The following TP53AIP1 variants were observed in gnomAD, a reference collection of about 807,000 sequenced individuals.
TP53AIP1 encodes tumor protein p53 regulated apoptosis inducing protein 1.
Under a neutral mutation model 9.5 loss-of-function variants are expected in TP53AIP1, and 14 were observed. That is an observed-to-expected ratio of 1.47 (90% CI 0.97 to 2.30). TP53AIP1 has a LOEUF of 2.30. TP53AIP1 is among the 30% of genes most tolerant of loss of function. The pLI is 0.00. For missense variants in TP53AIP1, 153 were observed against 146.7 expected (o/e 1.04, Z -0.22); for synonymous variants, 73 against 61.2 (o/e 1.19, Z -0.90).
downstream of TP53AIP1, chr11:128,935,356 A>G (rs1944791449): frequency 2.1e-6 from 3 of 1,415,824 alleles, no homozygotes; most frequent in Non-Finnish European, 2.8e-6. Context: ...ATTGGAATGC[A>G]AACTTCACAA....
In TP53AIP1 at chr11:128,937,660, T is replaced by G. The variant is rs1231643368; in HGVS notation, c.141+18A>C. On this transcript the variant is annotated intron_variant, in intron 2 of 3. Coordinates refer to ENST00000531399, the MANE Select transcript of TP53AIP1 (RefSeq NM_022112.3). The surrounding 1 kb of genome is among the most constrained non-coding windows in gnomAD (Gnocchi z 4.8). ...TGGCAGGCAAAAGACCGTCTCGGTT[T>G]TCACTGCAGGGACTTACCCAGCCAG... The G allele has an allele frequency of 2.5e-6, 4 of 1,614,110 alleles. No individual in the cohort carries two copies. In the South Asian group the frequency reaches 4.4e-5, roughly 18 times the overall value.
At position 128,937,804 on chromosome 11, in the gene TP53AIP1, A is replaced by C; in HGVS notation, c.15T>G (p.Ser5=). Residue 5 remains serine (S), a synonymous_variant, in exon 2 of 4, where the codon TCT becomes TCG. Coordinates refer to ENST00000531399, the MANE Select transcript of TP53AIP1 (RefSeq NM_022112.3). This position sits in a 1 kb window ranked among gnomAD's most constrained non-coding sequence, Gnocchi z 4.8. ...CTTGAGCAGATCTGAAGCTCGCCTC[A>C]GAGGAAGATCCCATCCAGGGGAGGC... MGSS[S]EASFRSAQAS... 1 of 1,611,168 alleles carries C rather than the reference A, an allele frequency of 6.2e-7. No homozygotes were observed. The highest frequency in any genetic ancestry group is 8.5e-7 in the Non-Finnish European group (1 of 1,178,724).
At position 128,937,729 on chromosome 11, in the gene TP53AIP1, G is replaced by T. The variant is rs367595853; in HGVS notation, c.90C>A (p.Asn30Lys). ...RRQGLGRGDQ[N>K]LSVMPPNGRA... ...TGCCATTCGGAGGCATCACCGAGAG[G>T]TTCTGGTCTCCCCTGCCCAGGCCCT... is the stretch of plus-strand genomic sequence containing the variant. The change falls in exon 2 of 4, where the codon AAC (asparagine) becomes AAA (lysine). Residue 30 changes from asparagine to lysine, a missense_variant. Transcript: ENST00000531399. This position sits in a 1 kb window ranked among gnomAD's most constrained non-coding sequence, Gnocchi z 4.8. The T allele has an allele frequency of 2.5e-6, 4 of 1,614,176 alleles. No homozygotes were observed. The South Asian group carries it at 3.3e-5, about 13-fold the overall frequency.
In TP53AIP1 at chr11:128,937,125, C is replaced by A. The variant is rs1001739716; in HGVS notation, c.142-476G>T. On this transcript the variant is annotated intron_variant, in intron 2 of 3. Coordinates refer to ENST00000531399, the MANE Select transcript of TP53AIP1 (RefSeq NM_022112.3). This position sits in a 1 kb window ranked among gnomAD's most constrained non-coding sequence, Gnocchi z 4.8. ...TGCCTGTGCTGGGATGAATGCATGG[C>A]CCCTGCATCCTTACCCCCTCCTCAG... is the stretch of plus-strand genomic sequence containing the variant. The A allele has an allele frequency of 2.8e-6, 3 of 1,068,338 alleles. No homozygotes were observed. The highest frequency in any genetic ancestry group is 3.3e-5 in the African/African-American group (2 of 59,976). The allele number at this position is 1,068,338 out of a possible 1,614,324, so 66.2% of individuals were successfully genotyped here. A position where few individuals can be genotyped will look rare whatever the true frequency, so the allele number is the denominator to read the frequency against.
intron 2 of TP53AIP1, chr11:128,936,925 C>G (rs563759300): frequency 8.2e-7 from 1 of 1,213,006 alleles, no homozygotes; most frequent in East Asian, 4.4e-5. Context: ...TTCCTCCCTC[C>G]CATCACCACA....
chr11:128,942,417 G>T (rs1944965633), intron 1 of TP53AIP1, among the ~76,000 whole-genome samples: 1 of 152,232 alleles, frequency 6.6e-6, no homozygotes. Flanking sequence ...CTCAGCGGTC[G>T]GCTAGCTGTG....
At chr11:128,935,777 A>G (rs1944810515) in intron 3 of TP53AIP1, 65 bp from the exon 4 acceptor site, 5 of 1,451,938 alleles carry the variant, frequency 3.4e-6, no homozygotes, top group East Asian at 5.1e-5. Flanking sequence ...TTTACCAAAT[A>G]TCATGTTACA....
At chr11:128,938,495 G>A (rs12786851) in intron 1 of TP53AIP1, among the ~76,000 whole-genome samples, 6 of 152,100 alleles carry the variant, frequency 3.9e-5, no homozygotes, top group Non-Finnish European at 5.9e-5. Flanking sequence ...TGGGTATCAC[G>A]GTCCCTCAAC....
chr11:128,940,883 C>G (rs767130820), intron 1 of TP53AIP1, among the ~76,000 whole-genome samples: 1 of 152,178 alleles, frequency 6.6e-6, no homozygotes, highest in Non-Finnish European at 1.5e-5. Context: ...GCTTCAGCGC[C>G]GCCAGCATCA....
At chr11:128,938,944 T>C (rs1244096302) in intron 1 of TP53AIP1, among the ~76,000 whole-genome samples, 1 of 152,078 alleles carries the variant, frequency 6.6e-6, no homozygotes, top group East Asian at 1.9e-4. Flanking sequence ...AACGTAGAGA[T>C]TGTCGCTTCC....
At chr11:128,935,855 C>G (rs1591463186) in intron 3 of TP53AIP1, 143 bp from the exon 4 acceptor site, 2 of 1,348,026 alleles carry the variant, frequency 1.5e-6, no homozygotes, top group Non-Finnish European at 9.5e-7. Flanking sequence ...TAAGGCACAT[C>G]ATTATTCTAT....
Position 128,937,607 on chromosome 11 carries a change from C to A in TP53AIP1, c.141+71G>T, listed in dbSNP as rs139851048. ...CTGAAAACTTGGGATGTCGGCACCA[C>A]GGTGAGAGCAGAGTCTGCCCGGGGC... On this transcript the variant is annotated intron_variant, in intron 2 of 3. Transcript: ENST00000531399. This position sits in a 1 kb window ranked among gnomAD's most constrained non-coding sequence, Gnocchi z 4.8. 6.2e-7 allele frequency: 1 copy of A among 1,614,142 alleles called. No individual in the cohort carries two copies. Among genetic ancestry groups the A allele is most frequent in the Non-Finnish European group, 8.5e-7 (1 of 1,180,030 alleles).
rs1944975515 is a variant in TP53AIP1, at chr11:128,942,816, T to A, written c.-99A>T. ...CACCTGCCTCCTAGGAGTCGGAGGGTCCGTGGAAATGGTCTCCTCCTGCAC... is the reference window on the plus strand; with the variant it reads ...CACCTGCCTCCTAGGAGTCGGAGGGACCGTGGAAATGGTCTCCTCCTGCAC... On this transcript the variant is annotated 5_prime_UTR_variant, in exon 1 of 4. Transcript: ENST00000531399. The A allele has an allele frequency of 6.6e-6, 1 of 152,410 alleles. No homozygotes were observed. Among genetic ancestry groups the A allele is most frequent in the South Asian group, 2.1e-4 (1 of 4,818 alleles). The allele number at this position is 152,410 out of a possible 1,614,324, so 9.4% of individuals were successfully genotyped here.
Position 128,936,629 on chromosome 11 carries a change from C to A in TP53AIP1, c.162G>T (p.Leu54Phe). ...TPGWVSDPLV[L>F]GAQVHGGCRG... ...GGCACCCTCCGTGAACTTGGGCACCCAAAACTAAGGGATCTGAAACCTGAG... is the reference window on the plus strand; with the variant it reads ...GGCACCCTCCGTGAACTTGGGCACCAAAAACTAAGGGATCTGAAACCTGAG... The change falls in exon 3 of 4, where the codon TTG (leucine) becomes TTT (phenylalanine). Residue 54 changes from leucine (L) to phenylalanine (F), a missense_variant. Transcript: ENST00000531399. 6.3e-7 allele frequency: 1 copy of A among 1,586,382 alleles called. No individual in the cohort carries two copies. Among genetic ancestry groups the A allele is most frequent in the Non-Finnish European group, 8.5e-7 (1 of 1,174,256 alleles).
At position 128,936,583 on chromosome 11, in the gene TP53AIP1, C is replaced by A; in HGVS notation, c.208G>T (p.Val70Phe). 6.3e-7 allele frequency: 1 copy of A among 1,587,734 alleles called. No individual in the cohort carries two copies. The highest frequency in any genetic ancestry group is 1.3e-5 in the African/African-American group (1 of 74,800). ...GGCRGIEALS[V>F]SSGSWSSATV... ...GCTGAGGACCAAGATCCAGACGAGA[C>A]TGACAGAGCTTCTATTCCCCGGCAC... Residue 70 changes from valine to phenylalanine, a missense_variant, in exon 3 of 4, where the codon GTC becomes TTC. Transcript: ENST00000531399.
chr11:128,935,215 G>A (rs1006119135), downstream of TP53AIP1, among the ~76,000 whole-genome samples: 1 of 152,236 alleles, frequency 6.6e-6, no homozygotes, highest in East Asian at 1.9e-4. Flanking sequence ...TTCTCAAACC[G>A]TCCTTGGAAG....
chr11:128,942,218 C>T (rs1944960693), intron 1 of TP53AIP1, among the ~76,000 whole-genome samples: 2 of 152,312 alleles, frequency 1.3e-5, no homozygotes, highest in South Asian at 4.1e-4. Flanking sequence ...GCCCGCTGTG[C>T]CCAGGACCCA....
downstream of TP53AIP1, chr11:128,934,914 AC>A: frequency 1.4e-6 from 1 of 692,662 alleles, no homozygotes; most frequent in Non-Finnish European, 2.6e-6. Flanking sequence ...GCTGCAGCCC[AC>A]CCAGGGAAGC....
intron 1 of TP53AIP1, among the ~76,000 whole-genome samples, chr11:128,942,017 A>G (rs1417813789): frequency 6.8e-6 from 1 of 147,068 alleles, no homozygotes; most frequent in Admixed American, 7.0e-5. Context: ...TGCTATCATC[A>G]ATCTTCTGGG....
Sources: allele counts gnomAD v4.1 joint callset (sites outside exome capture counted in the v4.1 genomes callset), GRCh38; gene constraint gnomAD v4.1.1; non-coding constraint Gnocchi (gnomAD v3.1); transcripts MANE v1.5; gene names NCBI Gene and HGNC (gene_info 2026-07-23, HGNC 2026-07-21).